NRXN1: variants seen among roughly 807,000 people sequenced by gnomAD.
NRXN1 encodes neurexin-1.
Under a neutral mutation model 150.9 loss-of-function variants are expected in NRXN1, and 39 were observed. That is an observed-to-expected ratio of 0.26 (90% CI 0.20 to 0.34). The LOEUF (loss-of-function observed/expected upper bound fraction) is 0.34. Among genes scored for constraint, NRXN1 ranks in the 10% least tolerant of loss-of-function variants. The probability of loss-of-function intolerance (pLI) is 1.00; values close to 1 mark genes in which losing one functional copy is unlikely to be tolerated. For missense variants in NRXN1, 1,815 were observed against 1,949.9 expected, an observed-to-expected ratio of 0.93 and a Z score of 1.30; for synonymous variants, 924 against 757.0, an observed-to-expected ratio of 1.22 and a Z score of -3.62.
rs143956409 is a variant in NRXN1, at chr2:50,058,509, A to G, written c.3719-3465T>C. ...ATTCAATTCAATATATACCTACTTT[A>G]TTCTCTAAATTCTTTGTTCTCCTAC... On this transcript the variant is annotated intron_variant, in intron 19 of 22. Transcript: ENST00000401669. Among the ~76,000 whole-genome samples, 681 of 152,270 alleles carry G rather than the reference A, an allele frequency of 4.5e-3. 6 individuals are homozygous for G. Among genetic ancestry groups the G allele is most frequent in the African/African-American group, 0.016 (645 of 41,564 alleles).
At chr2:50,828,136 G>A (rs973598227) in intron 5 of NRXN1, among the ~76,000 whole-genome samples, 11 of 151,828 alleles carry the variant, frequency 7.2e-5, no homozygotes, top group African/African-American at 2.4e-4. Flanking sequence ...CTCCCAGACG[G>A]GGTGGTGGCC....
intron 17 of NRXN1, among the ~76,000 whole-genome samples, chr2:50,290,370 A>C: frequency 6.6e-6 from 1 of 152,170 alleles, no homozygotes; most frequent in East Asian, 1.9e-4. Context: ...TGTATATAAT[A>C]AGGGAGGAAG....
chr2:50,598,738 A>G (rs541870535), intron 8 of NRXN1, among the ~76,000 whole-genome samples: 89 of 147,306 alleles, frequency 6.0e-4, no homozygotes, highest in Admixed American at 1.6e-3. Flanking sequence ...ATATATATGT[A>G]TATATATATA....
intron 5 of NRXN1, among the ~76,000 whole-genome samples, chr2:50,769,820 G>A (rs1702792381): frequency 1.3e-5 from 2 of 152,092 alleles, no homozygotes; most frequent in African/African-American, 4.8e-5. Context: ...TGACCATCTA[G>A]TGTCAAAAAC....
intron 12 of NRXN1, among the ~76,000 whole-genome samples, chr2:50,511,515 C>A (rs572108450): frequency 6.6e-6 from 1 of 152,274 alleles, no homozygotes; most frequent in Admixed American, 6.5e-5. Flanking sequence ...AATTTTTTGG[C>A]TGGTGATATT....
At chr2:50,215,684 T>G (rs754529321) in intron 18 of NRXN1, among the ~76,000 whole-genome samples, 1 of 152,024 alleles carries the variant, frequency 6.6e-6, no homozygotes, top group Non-Finnish European at 1.5e-5. Flanking sequence ...TGCTATTAAC[T>G]TTAAAACAAT....
At chr2:50,663,268 C>T (rs1252464368) in intron 5 of NRXN1, among the ~76,000 whole-genome samples, 1 of 152,032 alleles carries the variant, frequency 6.6e-6, no homozygotes, top group Non-Finnish European at 1.5e-5. Flanking sequence ...TTCCTTCCAA[C>T]TTTGCTGCTT....
At chr2:50,430,036 G>A (rs1048458840) in intron 17 of NRXN1, among the ~76,000 whole-genome samples, 3 of 151,984 alleles carry the variant, frequency 2.0e-5, no homozygotes, top group Non-Finnish European at 4.4e-5. Flanking sequence ...TAACCTACCT[G>A]ACTCAGCCAT....
chr2:50,875,966 GAAGAGACCCTGT>G (rs1216215553), intron 5 of NRXN1, among the ~76,000 whole-genome samples: 3 of 151,796 alleles, frequency 2.0e-5, no homozygotes, highest in Non-Finnish European at 4.4e-5. Context: ...TTTGAAAGTG[GAAGAGACCCTGT>G]AATTCCATGT....
chr2:50,215,373 G>A (rs1359591906), intron 18 of NRXN1, among the ~76,000 whole-genome samples: 1 of 151,978 alleles, frequency 6.6e-6, no homozygotes, highest in Non-Finnish European at 1.5e-5. Context: ...GATTCTTAAA[G>A]CTCAACAAAT....
At chr2:49,998,285 A>C (rs771869217) in intron 21 of NRXN1, among the ~76,000 whole-genome samples, 1 of 152,192 alleles carries the variant, frequency 6.6e-6, no homozygotes, top group African/African-American at 2.4e-5. Context: ...AGACTACTAT[A>C]TGACCCGTGA....
chr2:50,403,135 A>T (rs535979666), intron 17 of NRXN1, among the ~76,000 whole-genome samples: 7 of 152,226 alleles, frequency 4.6e-5, no homozygotes, highest in South Asian at 4.1e-4. Flanking sequence ...GTTTCCAAGG[A>T]CTTACTTGGG....
chr2:50,376,956 T>C (rs1257044498), intron 17 of NRXN1, among the ~76,000 whole-genome samples: 1 of 119,308 alleles, frequency 8.4e-6, no homozygotes, highest in Admixed American at 9.1e-5. Flanking sequence ...CTTTTTCTTT[T>C]CTTTTCTTTT....
chr2:50,315,013 G>A (rs929396699), intron 17 of NRXN1, among the ~76,000 whole-genome samples: 1 of 151,904 alleles, frequency 6.6e-6, no homozygotes, highest in Non-Finnish European at 1.5e-5. Context: ...ATATAGATAG[G>A]AAAATGTATA....
At chr2:50,193,407 C>G (rs539385590) in intron 18 of NRXN1, among the ~76,000 whole-genome samples, 1 of 152,264 alleles carries the variant, frequency 6.6e-6, no homozygotes, top group East Asian at 1.9e-4. Flanking sequence ...CCAAACAAAG[C>G]TGCTGTGTTA....
chr2:50,765,818 A>C (rs1323187253), intron 5 of NRXN1, among the ~76,000 whole-genome samples: 2 of 152,078 alleles, frequency 1.3e-5, no homozygotes, highest in Non-Finnish European at 2.9e-5. Flanking sequence ...TCAGAAGCTC[A>C]ACAGAGCTGA....
chr2:50,830,430 A>G (rs1671251268), intron 5 of NRXN1, among the ~76,000 whole-genome samples: 1 of 152,014 alleles, frequency 6.6e-6, no homozygotes, highest in African/African-American at 2.4e-5. Context: ...ATTAGTACCT[A>G]TTCAACACTA....
At chr2:50,006,698 A>G (rs1161716949) in intron 21 of NRXN1, among the ~76,000 whole-genome samples, 1 of 152,068 alleles carries the variant, frequency 6.6e-6, no homozygotes, top group Non-Finnish European at 1.5e-5. Context: ...GTAATTTTAG[A>G]TTTTTTTGCT....
At chr2:50,807,383 G>C (rs1441496844) in intron 5 of NRXN1, among the ~76,000 whole-genome samples, 3 of 152,032 alleles carry the variant, frequency 2.0e-5, no homozygotes, top group African/African-American at 7.2e-5. Context: ...TGAGCTTCAA[G>C]TGTTCTATCT....
Sources: allele counts gnomAD v4.1 joint callset (sites outside exome capture counted in the v4.1 genomes callset), GRCh38; gene constraint gnomAD v4.1.1; transcripts MANE v1.5; gene names NCBI Gene and HGNC (gene_info 2026-07-23, HGNC 2026-07-21).